RDX: variants seen among roughly 807,000 people sequenced by gnomAD.
The protein encoded by RDX is radixin.
A neutral mutation model predicts 83.7 loss-of-function variants in RDX; 32 were observed. That is an observed-to-expected ratio of 0.38 (90% CI 0.29 to 0.51). The LOEUF (loss-of-function observed/expected upper bound fraction) is 0.51. Ranked by LOEUF, RDX falls within the 20% of genes least tolerant of loss-of-function variation. The probability of loss-of-function intolerance (pLI) is 0.87; values close to 1 mark genes in which losing one functional copy is unlikely to be tolerated. For synonymous variants in RDX, 229 were observed against 222.7 expected (o/e 1.03, Z -0.25); for missense variants, 600 against 689.9 (o/e 0.87, Z 1.46).
At chr11:110,192,472 A>G (rs1377002133) in intron 15 of RDX, among the ~76,000 whole-genome samples, 1 of 152,250 alleles carries the variant, frequency 6.6e-6, no homozygotes, top group Non-Finnish European at 1.5e-5. Flanking sequence ...ATTTATGGCT[A>G]AGTCCTCAAA....
chr11:110,184,671 T>C (rs55763228), intron 15 of RDX, among the ~76,000 whole-genome samples: 7,460 of 152,128 alleles, frequency 0.049, 615 homozygotes, highest in African/African-American at 0.17. Context: ...TTGCAAAAAC[T>C]TGTTGCAGGT....
intron 14 of RDX, among the ~76,000 whole-genome samples, chr11:110,215,822 T>C (rs1864031885): frequency 6.6e-6 from 1 of 152,220 alleles, no homozygotes; most frequent in Non-Finnish European, 1.5e-5. Flanking sequence ...ACTGTGGTTG[T>C]CCTTCGGCAG....
At chr11:110,295,708 T>C (rs896238609) in intron 1 of RDX, among the ~76,000 whole-genome samples, 5 of 149,338 alleles carry the variant, frequency 3.3e-5, no homozygotes, top group African/African-American at 1.2e-4. Flanking sequence ...GAGTTTAGAA[T>C]CCTTTAAAGG....
At chr11:110,201,903 T>TTTTTTG in intron 14 of RDX, among the ~76,000 whole-genome samples, 1 of 137,326 alleles carries the variant, frequency 7.3e-6, no homozygotes, top group South Asian at 2.6e-4. Context: ...CCGGCTAATT[T>TTTTTTG]TGTGTGTGTG....
In RDX at chr11:110,201,177, CAAAAAAA is replaced by C. The variant is rs34428422; in HGVS notation, c.1749-1506_1749-1500del. Among the ~76,000 whole-genome samples, 392 of 82,054 alleles carry C rather than the reference CAAAAAAA, an allele frequency of 4.8e-3. 1 individual carries two copies. Among genetic ancestry groups the C allele is most frequent in the Middle Eastern group, 0.025 (4 of 162 alleles). The allele number at this position is 82,054 out of a possible 152,430, so 53.8% of individuals were successfully genotyped here. On this transcript the variant is annotated intron_variant, in intron 14 of 15. Transcript: ENST00000528498. ...GGCAAGAAGAGCAAAACTCCCGTCT[CAAAAAAA>C]AAAAAAAAAAAAAAGAAATGTCATT...
Position 110,272,821 on chromosome 11 carries a change from G to A in RDX, c.13-202C>T, listed in dbSNP as rs11825239. ...AACATATACTGGGCACTAAGCTATG[G>A]GCTTTCCATACTCTCATTTAGCCCT... On this transcript the variant is annotated intron_variant, in intron 2 of 13. Coordinates refer to ENST00000645495, the MANE Select transcript of RDX (RefSeq NM_002906.4). The A allele has an allele frequency of 2.0e-3, 1,109 of 568,330 alleles. 6 individuals are homozygous for A. Among genetic ancestry groups the A allele is most frequent in the African/African-American group, 0.016 (863 of 53,342 alleles). The allele number at this position is 568,330 out of a possible 1,614,324, so 35.2% of individuals were successfully genotyped here. A position where few individuals can be genotyped will look rare whatever the true frequency, so the allele number is the denominator to read the frequency against.
rs1864543913 is a variant in RDX at position 110,229,528 on chromosome 11, C to G, written c.*2341G>C. 1 of 152,394 alleles carries G rather than the reference C, an allele frequency of 6.6e-6. No individual in the cohort carries two copies. The highest frequency in any genetic ancestry group is 2.4e-5 in the African/African-American group (1 of 41,406). 9.4% of individuals were successfully genotyped at this position (152,394 alleles called of 1,614,324 possible). On this transcript the variant is annotated 3_prime_UTR_variant, in exon 14 of 14. Coordinates refer to ENST00000645495, the MANE Select transcript of RDX (RefSeq NM_002906.4). ...GTAATTGTAACTTAATTGTACAACA[C>G]AAAATTATGCTAATGGTAAAAGCCT...
At chr11:110,232,643 CAG>C (rs1200130730) in intron 13 of RDX, among the ~76,000 whole-genome samples, 1 of 151,958 alleles carries the variant, frequency 6.6e-6, no homozygotes, top group Non-Finnish European at 1.5e-5. Context: ...TTTTTTGAGA[CAG>C]AGTCACTTAC....
chr11:110,223,757 TAC>T lies in RDX; in HGVS notation c.1748+8114_1748+8115del, dbSNP rs564102912. On this transcript the variant is annotated intron_variant, in intron 14 of 15. Coordinates refer to the RDX transcript ENST00000528498. ...ATCTAAATTGATGAGCATAATCAACTACAGTTTTTGACTTTTAAAAAATCTAG... is the reference window on the plus strand; with the variant it reads ...ATCTAAATTGATGAGCATAATCAACTAGTTTTTGACTTTTAAAAAATCTAG... Among the ~76,000 whole-genome samples, 44 of 152,276 alleles carry T rather than the reference TAC, an allele frequency of 2.9e-4. 1 individual carries two copies. In the South Asian group the frequency reaches 5.8e-3, roughly 20 times the overall value.
intron 10 of RDX, among the ~76,000 whole-genome samples, chr11:110,242,011 G>C (rs1332732192): frequency 2.0e-5 from 3 of 152,176 alleles, no homozygotes; most frequent in East Asian, 3.8e-4. Context: ...ATGGTTGCCA[G>C]GGGTTGTGGG....
chr11:110,224,748 T>C (rs1423574178), downstream of RDX, among the ~76,000 whole-genome samples: 1 of 152,196 alleles, frequency 6.6e-6, no homozygotes, highest in Admixed American at 6.5e-5. Context: ...ATAGCAAACA[T>C]GAGAGCAAAT....
At chr11:110,219,651 T>C (rs1433460962) in intron 14 of RDX, among the ~76,000 whole-genome samples, 1 of 152,118 alleles carries the variant, frequency 6.6e-6, no homozygotes, top group Non-Finnish European at 1.5e-5. Context: ...GAGAGAGTCA[T>C]AGATGTGGTC....
intron 12 of RDX, 72 bp from the exon 13 acceptor site, chr11:110,233,551 C>A: frequency 6.7e-7 from 1 of 1,488,146 alleles, no homozygotes. Context: ...AGTTATACTC[C>A]CTTTTTAATA....
At chr11:110,202,584 A>G (rs971888085) in intron 14 of RDX, among the ~76,000 whole-genome samples, 1 of 149,764 alleles carries the variant, frequency 6.7e-6, no homozygotes, top group African/African-American at 2.5e-5. Context: ...ACACCTGGCT[A>G]ATTTTTCTTT....
At chr11:110,289,444 C>T (rs926392286) in intron 1 of RDX, among the ~76,000 whole-genome samples, 12 of 152,106 alleles carry the variant, frequency 7.9e-5, no homozygotes, top group Non-Finnish European at 1.5e-4. Context: ...GTGATATATA[C>T]TAACTTTGCT....
chr11:110,270,020 G>A (rs1017515878), intron 3 of RDX, among the ~76,000 whole-genome samples: 2 of 152,088 alleles, frequency 1.3e-5, no homozygotes, highest in Non-Finnish European at 2.9e-5. Context: ...CCAGCCTGGG[G>A]CGACAGGAGT....
At chr11:110,289,979 A>AAAAAAAAAAAAAAAAAAC (rs1555049799) in intron 1 of RDX, among the ~76,000 whole-genome samples, 15 of 144,708 alleles carry the variant, frequency 1.0e-4, no homozygotes, top group African/African-American at 3.8e-4. Context: ...AAAAAAAAAA[A>AAAAAAAAAAAAAAAAAAC]AAACAAGGGT....
chr11:110,295,485 T>C (rs192139536), intron 1 of RDX, among the ~76,000 whole-genome samples: 174 of 151,748 alleles, frequency 1.1e-3, no homozygotes, highest in African/African-American at 3.7e-3. Flanking sequence ...TCCACCAAAA[T>C]CTCAAATGTA....
intron 1 of RDX, among the ~76,000 whole-genome samples, chr11:110,294,575 T>G (rs917412645): frequency 6.6e-6 from 1 of 152,038 alleles, no homozygotes; most frequent in Non-Finnish European, 1.5e-5. Flanking sequence ...TTGGGAACAG[T>G]GAACCAATAA....
Sources: allele counts gnomAD v4.1 joint callset (sites outside exome capture counted in the v4.1 genomes callset), GRCh38; gene constraint gnomAD v4.1.1; transcripts MANE v1.5; gene names NCBI Gene and HGNC (gene_info 2026-07-23, HGNC 2026-07-21).